SYTL2: variants seen among roughly 807,000 people sequenced by gnomAD.
The protein encoded by SYTL2 is synaptotagmin like 2, also known as synaptotagmin-like protein 2.
In SYTL2, 165 loss-of-function variants were observed where a neutral mutation model predicts 198.7. The observed-to-expected ratio is 0.83, with a 90% CI of 0.73 to 0.94. The LOEUF (loss-of-function observed/expected upper bound fraction) is 0.94. Among genes scored for constraint, SYTL2 ranks in the 40% least tolerant of loss-of-function variants. The probability of loss-of-function intolerance (pLI) is 0.00; values close to 1 mark genes in which losing one functional copy is unlikely to be tolerated. For missense variants in SYTL2, 2,835 were observed against 2,582.8 expected (o/e 1.10, Z -2.12); for synonymous variants, 966 against 917.7 (o/e 1.05, Z -0.95).
rs1238894556 is a variant in SYTL2 at position 85,696,246 on chromosome 11, C to G, written c.6511G>C (p.Val2171Leu). ...TTGGTTAATTTGTAATGGTCCCAGA[C>G]AGTAAGCTCTACACAGGCTTCCATC... ...DLMEACVELTVWDHYKLTNQF... is the reference protein window; with the variant it reads ...DLMEACVELTLWDHYKLTNQF... The change falls in exon 19 of 20, where the codon GTC becomes CTC. Residue 2171 changes from valine to leucine, a missense_variant. By Grantham distance (32) the Val-to-Leu change is conservative (BLOSUM62 1). Around this residue, in one of 3 missense-constraint regions of SYTL2, gnomAD observed 185 missense variants for 182.1 expected, o/e 1.02. Coordinates refer to ENST00000359152, the MANE Select transcript of SYTL2 (RefSeq NM_206927.4). 2 of 1,614,064 alleles carry G rather than the reference C, an allele frequency of 1.2e-6. No homozygotes were observed. Among genetic ancestry groups the G allele is most frequent in the Admixed American group, 1.7e-5 (1 of 60,026 alleles).
rs562772705 is a variant in SYTL2, at chr11:85,734,133, C to T, written c.1196G>A (p.Ser399Asn). The change falls in exon 7 of 20, where the codon AGC becomes AAC. Residue 399 changes from serine to asparagine, a missense_variant. By Grantham distance (46) the Ser-to-Asn change is conservative. This residue lies in a region of SYTL2 where 2,645 missense variants were observed against 2,381.7 expected (regional missense o/e 1.11). Coordinates refer to ENST00000359152, the MANE Select transcript of SYTL2 (RefSeq NM_206927.4). ...TGTTTCACTTTTTGATACATATGGG[C>T]TTGAGGTTGATTGATGAAAAAGCGA... The part of the protein sequence containing the change: ...KPSLFHQSTS[S>N]PYVSKSETHQ... 2.4e-5 allele frequency: 38 copies of T among 1,614,154 alleles called. No individual in the cohort carries two copies. In the South Asian group the frequency reaches 4.1e-4, roughly 17 times the overall value.
At chr11:85,828,659 T>C in the SYTL2 span, among the ~76,000 whole-genome samples, 1 of 152,228 alleles carries the variant, frequency 6.6e-6, no homozygotes, top group Admixed American at 6.5e-5. Context: ...TTATAAACTA[T>C]AATCACATGC....
chr11:85,771,914 A>T (rs11234406), intron 1 of SYTL2, among the ~76,000 whole-genome samples: 12,150 of 151,530 alleles, frequency 0.08, 696 homozygotes, highest in African/African-American at 0.15. Context: ...ATATATATAT[A>T]TTTTTTGAGA....
At chr11:85,728,996 G>C (rs185676845) in intron 7 of SYTL2, among the ~76,000 whole-genome samples, 1 of 152,222 alleles carries the variant, frequency 6.6e-6, no homozygotes, top group East Asian at 1.9e-4. Context: ...ACAAAGAAGG[G>C]CATTACATAA....
chr11:85,725,712 G>A lies in SYTL2; in HGVS notation c.3646C>T (p.Leu1216Phe). 2 of 1,614,068 alleles carry A rather than the reference G, an allele frequency of 1.2e-6. No individual in the cohort carries two copies. The highest frequency in any genetic ancestry group is 2.2e-5 in the South Asian group (2 of 91,064). The part of the protein sequence containing the change: ...RNSLTASLDK[L>F]LKEATGTSPS... ...GAAGTTCCAGTTGCTTCCTTCAGGA[G>A]TTTGTCTAGACTAGCAGTCAAAGAG... is the stretch of plus-strand genomic sequence containing the variant. Residue 1216 changes from leucine to phenylalanine, a missense_variant, in exon 8 of 20, where the codon CTC (leucine) becomes TTC (phenylalanine). By Grantham distance (22) the Leu-to-Phe change is conservative. Transcript: ENST00000359152.
rs61746641 is a variant in SYTL2 at position 85,727,398 on chromosome 11, T to C, written c.1960A>G (p.Lys654Glu). 5.3e-3 allele frequency: 8,099 copies of C among 1,536,388 alleles called. 45 individuals carry two copies. Among genetic ancestry groups the C allele is most frequent in the Non-Finnish European group, 6.5e-3 (7,432 of 1,146,940 alleles). Residue 654 changes from lysine (K) to glutamate (E), a missense_variant, in exon 8 of 20, where the codon AAA becomes GAA. Physicochemically the swap from Lys to Glu is moderately conservative, Grantham distance 56 (BLOSUM62 1). Coordinates refer to ENST00000359152, the MANE Select transcript of SYTL2 (RefSeq NM_206927.4). ...SKNMDYSQDS[K>E]SPGKGNGASP... ...GCCCCATTCCCTTTTCCTGGGCTTTTTGAATCTTGGCTATAGTCCATATTT... is the reference window on the plus strand; with the variant it reads ...GCCCCATTCCCTTTTCCTGGGCTTTCTGAATCTTGGCTATAGTCCATATTT...
intron 3 of SYTL2, 121 bp downstream of exon 3, chr11:85,748,151 C>T: frequency 1.7e-6 from 2 of 1,159,206 alleles, no homozygotes; most frequent in Admixed American, 4.3e-5. Context: ...GAGGGCCACA[C>T]ATTATGAAAA....
At position 85,725,048 on chromosome 11, in the gene SYTL2, T is replaced by C. The variant is rs374652361; in HGVS notation, c.4310A>G (p.Asn1437Ser). Residue 1437 changes from asparagine (N) to serine (S), a missense_variant, in exon 8 of 20, where the codon AAT (asparagine) becomes AGT (serine). Physicochemically the swap from Asn to Ser is conservative, Grantham distance 46. This residue lies in a region of SYTL2 where 2,645 missense variants were observed against 2,381.7 expected (regional missense o/e 1.11). Coordinates refer to ENST00000359152, the MANE Select transcript of SYTL2 (RefSeq NM_206927.4). ...TTCATGAGTTTTATCAGGAACTACATTGGAGGAATAAAAATCCTTCCTGTC... is the reference window on the plus strand; with the variant it reads ...TTCATGAGTTTTATCAGGAACTACACTGGAGGAATAAAAATCCTTCCTGTC... ...VPDRKDFYSS[N>S]VVPDKTHEVG... The C allele has an allele frequency of 5.1e-5, 83 of 1,614,202 alleles. No individual in the cohort carries two copies. Among genetic ancestry groups the C allele is most frequent in the East Asian group, 1.6e-4 (7 of 44,888 alleles).
the SYTL2 span, among the ~76,000 whole-genome samples, chr11:85,827,703 C>T: frequency 6.6e-6 from 1 of 152,112 alleles, no homozygotes; most frequent in South Asian, 2.1e-4. Flanking sequence ...GAAGCTTGTT[C>T]CATGTCTCCT....
At chr11:85,798,174 C>G (rs1449230189) in intron 1 of SYTL2, among the ~76,000 whole-genome samples, 1 of 152,096 alleles carries the variant, frequency 6.6e-6, no homozygotes, top group East Asian at 1.9e-4. Flanking sequence ...CCACTGATCT[C>G]AAGTTCAGTT....
the SYTL2 span, among the ~76,000 whole-genome samples, chr11:85,847,206 C>T: frequency 1.3e-5 from 2 of 152,110 alleles, no homozygotes; most frequent in African/African-American, 2.4e-5. Context: ...TCTCCTGCCC[C>T]CTTGCAGTCA....
rs528937458 is a variant in SYTL2, at chr11:85,802,820, C to T, written c.-390+8134G>A. Reference sequence around the variant, plus strand: ...TTTGCAGAAAAGGAAGTTGAGAGTCCTATCCCAAAGAAACTCAAAAGCTGC... The same window carrying T: ...TTTGCAGAAAAGGAAGTTGAGAGTCTTATCCCAAAGAAACTCAAAAGCTGC... On this transcript the variant is annotated intron_variant, in intron 1 of 19. Coordinates refer to ENST00000359152, the MANE Select transcript of SYTL2 (RefSeq NM_206927.4). Among the ~76,000 whole-genome samples the T allele has an allele frequency of 1.8e-4, 27 of 152,270 alleles. 1 individual carries two copies. The South Asian group carries it at 5.6e-3, about 32-fold the overall frequency.
At chr11:85,824,886 C>G in the SYTL2 span, among the ~76,000 whole-genome samples, 1 of 152,128 alleles carries the variant, frequency 6.6e-6, no homozygotes, top group Non-Finnish European at 1.5e-5. Flanking sequence ...TTTCTGCTCT[C>G]CCTAGAGCGC....
At chr11:85,802,223 T>C (rs999827148) in intron 1 of SYTL2, among the ~76,000 whole-genome samples, 1 of 146,632 alleles carries the variant, frequency 6.8e-6, no homozygotes, top group Non-Finnish European at 1.5e-5. Context: ...TTCTTTTCTT[T>C]TTTTTTTTTT....
intron 2 of SYTL2, among the ~76,000 whole-genome samples, chr11:85,751,222 T>C (rs2153533888): frequency 6.6e-6 from 1 of 152,340 alleles, no homozygotes; most frequent in African/African-American, 2.4e-5. Context: ...CACTACTAGG[T>C]TTAATAATCA....
At chr11:85,706,108 G>A (rs189306538) in intron 15 of SYTL2, among the ~76,000 whole-genome samples, 18 of 152,302 alleles carry the variant, frequency 1.2e-4, no homozygotes, top group African/African-American at 3.9e-4. Context: ...CTATTCATCT[G>A]TCCATTTATC....
chr11:85,733,685 C>T (rs894420759), intron 7 of SYTL2: 6 of 291,652 alleles, frequency 2.1e-5, no homozygotes, highest in Non-Finnish European at 3.2e-5. Flanking sequence ...CTGCAAGCTC[C>T]GCTTCCCGGG....
chr11:85,795,802 G>T (rs1298653630), intron 1 of SYTL2, among the ~76,000 whole-genome samples: 2 of 151,962 alleles, frequency 1.3e-5, no homozygotes, highest in Admixed American at 1.3e-4. Flanking sequence ...TCTGAAATCA[G>T]CAAACTGACA....
chr11:85,779,637 G>GT (rs34175263), intron 1 of SYTL2, among the ~76,000 whole-genome samples: 85,935 of 148,142 alleles, frequency 0.58, 25,208 homozygotes, highest in Middle Eastern at 0.65. Context: ...CTCATCAAGT[G>GT]TTTTTTTTTT....
Sources: gnomAD v4.1 joint callset for allele counts (sites outside exome capture counted in the v4.1 genomes callset) on GRCh38, gnomAD v4.1.1 for gene constraint, gnomAD v4.1.1 regional missense constraint, MANE v1.5 for transcripts, NCBI Gene and HGNC (gene_info 2026-07-23, HGNC 2026-07-21) for gene names.